ADD1: variants seen among roughly 807,000 people sequenced by gnomAD.
ADD1 encodes the protein adducin 1.
A neutral mutation model predicts 80.5 loss-of-function variants in ADD1; 24 were observed. That is an observed-to-expected ratio of 0.30 (90% confidence interval 0.22 to 0.42). The LOEUF is 0.42. Ranked by LOEUF, ADD1 falls within the 10% of genes least tolerant of loss-of-function variation. The pLI is 1.00. For synonymous variants in ADD1, 373 were observed against 393.8 expected, an observed-to-expected ratio of 0.95 and a Z score of 0.63; for missense variants, 948 against 1,019.0, an observed-to-expected ratio of 0.93 and a Z score of 0.95.
chr4:2,897,530 A>G (rs1273203736), intron 6 of ADD1, among the ~76,000 whole-genome samples: 1 of 145,666 alleles, frequency 6.9e-6, no homozygotes, highest in East Asian at 2.0e-4. Flanking sequence ...GAGCACTTGG[A>G]AAACCTCCTC....
At chr4:2,915,875 A>T (rs1218062861) in intron 14 of ADD1, among the ~76,000 whole-genome samples, 8 of 152,080 alleles carry the variant, frequency 5.3e-5, no homozygotes, top group African/African-American at 1.9e-4. Context: ...GACGTGTGTA[A>T]ATGACGATGT....
rs1164502403 is a variant in ADD1, at chr4:2,844,017, C to T, written c.-28C>T. 3 of 150,648 alleles carry T rather than the reference C, an allele frequency of 2.0e-5. No individual in the cohort carries two copies. The highest frequency in any genetic ancestry group is 2.5e-5 in the African/African-American group (1 of 40,132). 9.3% of individuals were successfully genotyped at this position (150,648 alleles called of 1,614,324 possible). On this transcript the variant is annotated 5_prime_UTR_variant, in exon 1 of 16. Coordinates refer to ENST00000683351, the MANE Select transcript of ADD1 (RefSeq NM_001354761.2). ...AATCCCGCGCGCTGCCCACGATTCG[C>T]TTCTGAGGTGAGGCTAGCTAGCGGG...
At chr4:2,885,834 T>C (rs535690651) in intron 4 of ADD1, among the ~76,000 whole-genome samples, 22 of 152,020 alleles carry the variant, frequency 1.4e-4, no homozygotes, top group Non-Finnish European at 2.9e-4. Context: ...ATGGTCTCGA[T>C]CTCCTGACCT....
intron 4 of ADD1, among the ~76,000 whole-genome samples, chr4:2,885,230 C>T (rs996263909): frequency 6.6e-6 from 1 of 152,090 alleles, no homozygotes; most frequent in Non-Finnish European, 1.5e-5. Flanking sequence ...ATTTCATAGT[C>T]CCTCATTTCA....
rs144810870 is a variant in ADD1, at chr4:2,905,611, T to C, written c.1506+503T>C. The C allele has an allele frequency of 1.1e-3, 179 of 162,470 alleles. 1 individual carries two copies. Among genetic ancestry groups the C allele is most frequent in the Admixed American group, 3.6e-3 (64 of 17,618 alleles). The allele number at this position is 162,470 out of a possible 1,614,324, so 10.1% of individuals were successfully genotyped here. ...TCTTGTCCCCTGCCCTTAGTGTTAT[T>C]CCCCTGCTTTCTATCCCAAAGCCTC... On this transcript the variant is annotated intron_variant, in intron 10 of 15. Coordinates refer to ENST00000683351, the MANE Select transcript of ADD1 (RefSeq NM_001354761.2).
At chr4:2,865,317 T>C (rs537966639) in intron 1 of ADD1, among the ~76,000 whole-genome samples, 1 of 152,364 alleles carries the variant, frequency 6.6e-6, no homozygotes, top group Admixed American at 6.5e-5. Context: ...AACATACCTT[T>C]GGCAAGTCTT....
chr4:2,889,563 T>G (rs912260721), intron 4 of ADD1, among the ~76,000 whole-genome samples: 1 of 152,158 alleles, frequency 6.6e-6, no homozygotes, highest in Non-Finnish European at 1.5e-5. Flanking sequence ...GGCTTATGCC[T>G]GTAATCCCAG....
At chr4:2,864,226 G>A (rs530038105) in intron 1 of ADD1, among the ~76,000 whole-genome samples, 11 of 152,150 alleles carry the variant, frequency 7.2e-5, no homozygotes, top group African/African-American at 2.6e-4. Context: ...CAGCCTGGGC[G>A]ATACGGTGAA....
chr4:2,867,928 A>G (rs1729795804), intron 1 of ADD1: 3 of 152,180 alleles, frequency 2.0e-5, no homozygotes, highest in Non-Finnish European at 4.4e-5. Flanking sequence ...GAGTTAAAAC[A>G]CACATAGTGA....
intron 14 of ADD1, 138 bp downstream of exon 14, chr4:2,915,178 TA>T: frequency 1.0e-6 from 1 of 982,616 alleles, no homozygotes; most frequent in Non-Finnish European, 1.5e-6. Flanking sequence ...CTTTATCCAG[TA>T]CTCATTTCCA....
chr4:2,898,360 C>T, intron 7 of ADD1, 33 bp downstream of exon 7: 5 of 1,614,184 alleles, frequency 3.1e-6, no homozygotes, highest in African/African-American at 1.3e-5. Flanking sequence ...ATTTAAATTA[C>T]AGCAGAAAGA....
chr4:2,906,220 G>C (rs987461743), intron 10 of ADD1, among the ~76,000 whole-genome samples: 1 of 152,184 alleles, frequency 6.6e-6, no homozygotes, highest in Non-Finnish European at 1.5e-5. Flanking sequence ...GAGCGGCCGC[G>C]TCACCTGGGC....
chr4:2,926,710 C>T lies in ADD1; in HGVS notation c.2047+598C>T, dbSNP rs1245003610. On this transcript the variant is annotated intron_variant, in intron 15 of 15. Transcript: ENST00000683351. The surrounding 1 kb of genome is among the most constrained non-coding windows in gnomAD (Gnocchi z 5.0). ...GTGCTGCCTCCGCTCTCCACCGGTGCCCTGCGCTTTGCCTCATTCTCCTGC... is the reference window on the plus strand; with the variant it reads ...GTGCTGCCTCCGCTCTCCACCGGTGTCCTGCGCTTTGCCTCATTCTCCTGC... The T allele has an allele frequency of 6.2e-6, 10 of 1,606,612 alleles. No homozygotes were observed. The highest frequency in any genetic ancestry group is 8.5e-6 in the Non-Finnish European group (10 of 1,174,158).
intron 1 of ADD1, chr4:2,844,617 C>T (rs1013448156): frequency 6.6e-6 from 1 of 152,144 alleles, no homozygotes; most frequent in Non-Finnish European, 1.5e-5. Context: ...GTCAGAGGGC[C>T]TTTCCCTGTT....
intron 14 of ADD1, among the ~76,000 whole-genome samples, chr4:2,918,710 G>GT (rs1376215207): frequency 1.3e-5 from 2 of 152,152 alleles, no homozygotes; most frequent in African/African-American, 4.8e-5. Flanking sequence ...TTTATTGAGA[G>GT]TTTTTAGCAT....
intron 13 of ADD1, among the ~76,000 whole-genome samples, chr4:2,911,034 A>G (rs1485692613): frequency 2.3e-4 from 35 of 152,204 alleles, no homozygotes; most frequent in Admixed American, 2.0e-4. Context: ...TTACTGGGCA[A>G]TTGTTCCACT....
At chr4:2,904,087 A>G (rs981147032) in intron 9 of ADD1, among the ~76,000 whole-genome samples, 1 of 152,130 alleles carries the variant, frequency 6.6e-6, no homozygotes, top group Non-Finnish European at 1.5e-5. Context: ...GATGAATATA[A>G]CCTGCACAGT....
intron 14 of ADD1, among the ~76,000 whole-genome samples, chr4:2,917,104 C>T (rs911567099): frequency 5.3e-5 from 8 of 152,162 alleles, no homozygotes; most frequent in African/African-American, 7.2e-5. Flanking sequence ...CTTGAGGAAT[C>T]GCCACACTGC....
intron 4 of ADD1, among the ~76,000 whole-genome samples, chr4:2,891,186 T>C (rs2108988460): frequency 6.6e-6 from 1 of 151,618 alleles, no homozygotes; most frequent in East Asian, 1.9e-4. Context: ...CGGTGGCTCA[T>C]GCCTCTAATC....
Sources: gnomAD v4.1 joint callset for allele counts (sites outside exome capture counted in the v4.1 genomes callset) on GRCh38, gnomAD v4.1.1 for gene constraint, Gnocchi (gnomAD v3.1) non-coding constraint, MANE v1.5 for transcripts, NCBI Gene and HGNC (gene_info 2026-07-23, HGNC 2026-07-21) for gene names.